The following TADA2A variants were observed in gnomAD, a reference collection of about 807,000 sequenced individuals.
TADA2A encodes transcriptional adapter 2-alpha.
Under a neutral mutation model 67.4 loss-of-function variants are expected in TADA2A, and 38 were observed. The ratio of observed to expected loss-of-function variants is 0.56; its 90% CI spans 0.44 to 0.74. TADA2A has a LOEUF of 0.74. TADA2A is among the 30% of genes least tolerant of loss of function. The pLI is 0.00. For missense variants in TADA2A, 454 were observed against 547.0 expected, an observed-to-expected ratio of 0.83 and a Z score of 1.70; for synonymous variants, 192 against 181.6, an observed-to-expected ratio of 1.06 and a Z score of -0.46.
Position 37,477,072 on chromosome 17 carries a change from C to G in TADA2A, c.*90C>G. ...GTGGGCATTCTGGAGAGTTGTTTTT[C>G]AGCTGAATTCTCATGGTGAAAACAG... is the stretch of plus-strand genomic sequence containing the variant. On this transcript the variant is annotated 3_prime_UTR_variant, in exon 16 of 16. Transcript: ENST00000615182. 7.6e-7 allele frequency: 1 copy of G among 1,316,932 alleles called. No homozygotes were observed. The highest frequency in any genetic ancestry group is 1.0e-6 in the Non-Finnish European group (1 of 962,280). 81.6% of individuals were successfully genotyped at this position (1,316,932 alleles called of 1,614,324 possible). A position where few individuals can be genotyped will look rare whatever the true frequency, so the allele number is the denominator to read the frequency against.
intron 2 of TADA2A, among the ~76,000 whole-genome samples, chr17:37,421,021 A>T (rs1298839954): frequency 6.8e-6 from 1 of 146,874 alleles, no homozygotes; most frequent in African/African-American, 2.5e-5. Context: ...GTTTGGAGAC[A>T]TACCACTGTC....
At chr17:37,440,478 TTCTC>T in intron 5 of TADA2A, 23 bp from the exon 6 acceptor site, 4 of 1,611,760 alleles carry the variant, frequency 2.5e-6, no homozygotes, top group Non-Finnish European at 3.4e-6. Flanking sequence ...CAAGTACCAC[TTCTC>T]TCTTTTTCCC....
At chr17:37,440,700 C>T (rs1597891542) in intron 6 of TADA2A, 38 bp downstream of exon 6, 2 of 1,610,122 alleles carry the variant, frequency 1.2e-6, no homozygotes, top group Non-Finnish European at 1.7e-6. Context: ...ATACTTAGCT[C>T]ATCCTTGGGC....
At chr17:37,457,271 C>T (rs1485655020) in intron 8 of TADA2A, among the ~76,000 whole-genome samples, 1 of 146,278 alleles carries the variant, frequency 6.8e-6, no homozygotes, top group African/African-American at 2.5e-5. Context: ...ACCTCTGCTT[C>T]CCAGGTTCAA....
intron 8 of TADA2A, among the ~76,000 whole-genome samples, chr17:37,457,767 A>G (rs1254848120): frequency 6.6e-6 from 1 of 152,096 alleles, no homozygotes; most frequent in Non-Finnish European, 1.5e-5. Flanking sequence ...AAGTGCTGGA[A>G]TTACAGGTGT....
Position 37,465,537 on chromosome 17 carries a change from T to G in TADA2A, c.819T>G (p.His273Gln). ...PVEHDKFIESHALEFELRREI... is the reference protein window; with the variant it reads ...PVEHDKFIESQALEFELRREI... The stretch of plus-strand genomic sequence containing the variant: ...AACATGACAAATTCATTGAAAGCCA[T>G]GCATGTAGGTGGTTTTTGAGCCTTG... Residue 273 changes from histidine to glutamine, a missense_variant, in exon 11 of 16, where the codon CAT (histidine) becomes CAG (glutamine). By Grantham distance (24) the His-to-Gln change is conservative. Coordinates refer to ENST00000615182, the MANE Select transcript of TADA2A (RefSeq NM_001166105.3). 6.2e-7 allele frequency: 1 copy of G among 1,614,114 alleles called. No individual in the cohort carries two copies. The highest frequency in any genetic ancestry group is 8.5e-7 in the Non-Finnish European group (1 of 1,180,026).
chr17:37,462,160 C>T (rs1353756633), intron 10 of TADA2A, 39 bp downstream of exon 10: 7 of 1,353,562 alleles, frequency 5.2e-6, no homozygotes, highest in Middle Eastern at 4.0e-4. Context: ...CAATTTTTTT[C>T]CAATATTATT....
chr17:37,428,047 C>G, intron 4 of TADA2A, among the ~76,000 whole-genome samples: 1 of 152,136 alleles, frequency 6.6e-6, no homozygotes, highest in East Asian at 1.9e-4. Context: ...TCTCCTACTT[C>G]AAGCAGTTTT....
At chr17:37,457,306 G>A (rs1296710624) in intron 8 of TADA2A, among the ~76,000 whole-genome samples, 4 of 146,226 alleles carry the variant, frequency 2.7e-5, no homozygotes, top group African/African-American at 1.0e-4. Flanking sequence ...TCAGCCTCCC[G>A]AGTAGCTGGG....
chr17:37,411,468 G>A, intron 2 of TADA2A, 78 bp downstream of exon 2: 1 of 1,384,122 alleles, frequency 7.2e-7, no homozygotes, highest in Non-Finnish European at 1.0e-6. Flanking sequence ...TGTTGCCCAG[G>A]CTGGGGTACA....
chr17:37,437,705 C>A, intron 4 of TADA2A, 33 bp from the exon 5 acceptor site: 1 of 1,599,840 alleles, frequency 6.3e-7, no homozygotes, highest in Non-Finnish European at 8.6e-7. Flanking sequence ...CCATTTGTAT[C>A]TCTGTTCTTA....
chr17:37,410,190 T>C (rs1161366464), intron 1 of TADA2A, among the ~76,000 whole-genome samples: 1 of 150,892 alleles, frequency 6.6e-6, no homozygotes, highest in Non-Finnish European at 1.5e-5. Flanking sequence ...AGACTGTGTC[T>C]CCAAAAAAAA....
At chr17:37,422,750 C>T (rs142988733) in intron 2 of TADA2A, among the ~76,000 whole-genome samples, 8 of 152,146 alleles carry the variant, frequency 5.3e-5, no homozygotes, top group Non-Finnish European at 1.2e-4. Context: ...AATGCACCCA[C>T]CTTGGCCTCC....
rs556240242 is a variant in TADA2A at position 37,467,379 on chromosome 17, C to T, written c.824-75C>T. On this transcript the variant is annotated intron_variant, in intron 11 of 15. Transcript: ENST00000615182. ...TTATAAGGCAGAATTAATGAAAATG[C>T]TCAATAGCAAAAGTGCTCACTAATG... 3.7e-5 allele frequency: 45 copies of T among 1,211,414 alleles called. No individual in the cohort carries two copies. In the Middle Eastern group the frequency reaches 7.6e-4, roughly 20 times the overall value. 75.0% of individuals were successfully genotyped at this position (1,211,414 alleles called of 1,614,324 possible).
chr17:37,451,567 C>T (rs1165185712), intron 8 of TADA2A, among the ~76,000 whole-genome samples: 1 of 152,108 alleles, frequency 6.6e-6, no homozygotes, highest in Non-Finnish European at 1.5e-5. Flanking sequence ...ACCCATCTGC[C>T]CACCTCAGTT....
At chr17:37,475,048 A>G (rs1466052704) in intron 15 of TADA2A, among the ~76,000 whole-genome samples, 1 of 152,218 alleles carries the variant, frequency 6.6e-6, no homozygotes, top group Non-Finnish European at 1.5e-5. Context: ...CAACATAATC[A>G]TTATTTAAAA....
At chr17:37,446,553 C>T (rs554422124) in intron 8 of TADA2A, among the ~76,000 whole-genome samples, 6 of 151,218 alleles carry the variant, frequency 4.0e-5, no homozygotes, top group Admixed American at 3.3e-4. Context: ...CACTTGAGGC[C>T]GAGAGTTCAA....
chr17:37,423,375 T>C (rs537545048), intron 2 of TADA2A, 134 bp from the exon 3 acceptor site: 1 of 633,390 alleles, frequency 1.6e-6, no homozygotes, highest in East Asian at 2.8e-5. Flanking sequence ...TTATTTGTAA[T>C]GAGCTCATCT....
intron 5 of TADA2A, among the ~76,000 whole-genome samples, chr17:37,439,311 C>T (rs1278477706): frequency 6.6e-6 from 1 of 152,036 alleles, no homozygotes; most frequent in Non-Finnish European, 1.5e-5. Flanking sequence ...GAAACAGGAT[C>T]TTGCTCTGTC....
Sources: allele counts gnomAD v4.1 joint callset (sites outside exome capture counted in the v4.1 genomes callset), GRCh38; gene constraint gnomAD v4.1.1; transcripts MANE v1.5; gene names NCBI Gene and HGNC (gene_info 2026-07-23, HGNC 2026-07-21).